ZNF514: variants seen among roughly 807,000 people sequenced by gnomAD.
ZNF514 encodes zinc finger protein 514.
Under a neutral mutation model 9.7 loss-of-function variants are expected in ZNF514, and 12 were observed. The observed-to-expected ratio is 1.24, with a 90% CI of 0.79 to 2.01. The LOEUF (loss-of-function observed/expected upper bound fraction) is 2.01, where lower values mean the gene tolerates loss of function less well. Among genes scored for constraint, ZNF514 ranks in the 30% most tolerant of loss-of-function variants. The pLI is 0.00. For missense variants in ZNF514, 467 were observed against 465.5 expected, an observed-to-expected ratio of 1.00 and a Z score of -0.03; for synonymous variants, 158 against 163.7, an observed-to-expected ratio of 0.97 and a Z score of 0.27.
intron 3 of ZNF514, 96 bp downstream of exon 3, chr2:95,153,037 G>T: frequency 6.7e-7 from 1 of 1,499,008 alleles, no homozygotes; most frequent in Non-Finnish European, 9.0e-7. Context: ...GAAACCCAGG[G>T]CCAAACTTAG....
rs182199866 is a variant in ZNF514, at chr2:95,146,680, A to C, written c.*2602T>G. On this transcript the variant is annotated 3_prime_UTR_variant, in exon 5 of 5. Transcript: ENST00000295208. ...TTTTGGAGGGCAGGACACTGGGTTC[A>C]AACTGGTAAGTATGGTTAATATGGC... Among the ~76,000 whole-genome samples the C allele has an allele frequency of 5.5e-3, 824 of 151,120 alleles. 4 individuals carry two copies. Among genetic ancestry groups the C allele is most frequent in the Non-Finnish European group, 9.5e-3 (643 of 67,822 alleles).
chr2:95,157,499 A>C lies in ZNF514; in HGVS notation c.-95-60T>G, dbSNP rs1488421215. The C allele has an allele frequency of 2.9e-6, 3 of 1,017,638 alleles. No homozygotes were observed. The African/African-American group carries it at 5.0e-5, about 17-fold the overall frequency. The allele number at this position is 1,017,638 out of a possible 1,614,324, so 63.0% of individuals were successfully genotyped here. ...CCCAGCCAGCACACACAGCTCTCAG[A>C]CTTCCCAAGCCTGAGACCCAGAACA... On this transcript the variant is annotated intron_variant, in intron 1 of 4. Coordinates refer to ENST00000295208, the MANE Select transcript of ZNF514 (RefSeq NM_032788.3).
At chr2:95,141,470 A>G (rs1673221019), downstream of ZNF514, among the ~76,000 whole-genome samples, 1 of 152,114 alleles carries the variant, frequency 6.6e-6, no homozygotes. Flanking sequence ...TGGAAGGCCC[A>G]CTTATTTAGG....
chr2:95,147,708 G>T lies in ZNF514; in HGVS notation c.*1574C>A, dbSNP rs1429808622. On this transcript the variant is annotated 3_prime_UTR_variant, in exon 5 of 5. Transcript: ENST00000295208. ...GGCTGGAGTGCAGTGGCGTGATCTC[G>T]GCTGACTGCAAGCTCTGCCTCCCCG... 1 of 149,870 alleles carries T rather than the reference G, an allele frequency of 6.7e-6. No homozygotes were observed. Among genetic ancestry groups the T allele is most frequent in the African/African-American group, 2.5e-5 (1 of 40,586 alleles). 9.3% of individuals were successfully genotyped at this position (149,870 alleles called of 1,614,324 possible). A position where few individuals can be genotyped will look rare whatever the true frequency, so the allele number is the denominator to read the frequency against.
At chr2:95,140,899 C>G (rs529082469), downstream of ZNF514, among the ~76,000 whole-genome samples, 1 of 151,338 alleles carries the variant, frequency 6.6e-6, no homozygotes, top group Admixed American at 6.6e-5. Context: ...TGCTTGAACC[C>G]GGGAGGTGGC....
the ZNF514 span, among the ~76,000 whole-genome samples, chr2:95,132,285 A>C: frequency 6.6e-6 from 1 of 152,180 alleles, no homozygotes; most frequent in South Asian, 2.1e-4. Flanking sequence ...ACTCAACAGT[A>C]AAATAACAAG....
chr2:95,151,895 A>G (rs1465865001), intron 4 of ZNF514, among the ~76,000 whole-genome samples: 1 of 152,228 alleles, frequency 6.6e-6, no homozygotes, highest in African/African-American at 2.4e-5. Flanking sequence ...AGAGGATATC[A>G]GCATCTTCCC....
chr2:95,135,121 T>C, the ZNF514 span, among the ~76,000 whole-genome samples: 7 of 152,224 alleles, frequency 4.6e-5, no homozygotes. Flanking sequence ...TTTCAATTTC[T>C]ACAAATAATA....
chr2:95,141,713 T>A (rs1471094532), downstream of ZNF514, among the ~76,000 whole-genome samples: 1 of 152,140 alleles, frequency 6.6e-6, no homozygotes, highest in Non-Finnish European at 1.5e-5. Flanking sequence ...TCAGGTACCA[T>A]TAGCAAAAAA....
intron 2 of ZNF514, 115 bp from the exon 3 acceptor site, chr2:95,153,374 G>A: frequency 1.9e-6 from 2 of 1,031,218 alleles, no homozygotes; most frequent in Non-Finnish European, 1.3e-6. Flanking sequence ...CTTCTCAGGT[G>A]GAGGTAAATG....
the ZNF514 span, among the ~76,000 whole-genome samples, chr2:95,136,078 AAATT>A: frequency 2.6e-5 from 4 of 152,134 alleles, no homozygotes; most frequent in African/African-American, 4.8e-5. Flanking sequence ...AATAAAAATT[AAATT>A]AATTAAGTAA....
chr2:95,159,284 C>A lies in ZNF514; in HGVS notation c.-140G>T. 6.1e-6 allele frequency: 1 copy of A among 162,668 alleles called. No individual in the cohort carries two copies. 10.1% of individuals were successfully genotyped at this position (162,668 alleles called of 1,614,324 possible). A position where few individuals can be genotyped will look rare whatever the true frequency, so the allele number is the denominator to read the frequency against. ...CAGGACCAGGCTCTGGAACCCAGCTCCCACGTGGATCCACACGCACAGTGG... is the reference window on the plus strand; with the variant it reads ...CAGGACCAGGCTCTGGAACCCAGCTACCACGTGGATCCACACGCACAGTGG... On this transcript the variant is annotated 5_prime_UTR_variant, in exon 1 of 5. Coordinates refer to ENST00000295208, the MANE Select transcript of ZNF514 (RefSeq NM_032788.3).
chr2:95,124,113 C>A, the ZNF514 span, among the ~76,000 whole-genome samples: 2 of 152,158 alleles, frequency 1.3e-5, no homozygotes, highest in African/African-American at 4.8e-5. Flanking sequence ...ATGTAGATTT[C>A]TGTATCCAGC....
rs757803438 is a variant in ZNF514, at chr2:95,149,410, G to A, written c.1075C>T (p.Leu359Phe). 8 of 1,614,160 alleles carry A rather than the reference G, an allele frequency of 5.0e-6. No individual in the cohort carries two copies. The highest frequency in any genetic ancestry group is 2.2e-5 in the South Asian group (2 of 91,076). The stretch of plus-strand genomic sequence containing the variant: ...GTGTGAAATCTGTAATGTTGAGTGA[G>A]AGATGAACTCTGGCTGAAGGCTCTC... ...CGRAFSQSSS[L>F]TQHYRFHTGE... Residue 359 changes from leucine (L) to phenylalanine (F), a missense_variant, in exon 5 of 5, where the codon CTC (leucine) becomes TTC (phenylalanine). Coordinates refer to ENST00000295208, the MANE Select transcript of ZNF514 (RefSeq NM_032788.3).
At chr2:95,152,449 G>A (rs1280362838) in intron 4 of ZNF514, among the ~76,000 whole-genome samples, 1 of 152,128 alleles carries the variant, frequency 6.6e-6, no homozygotes, top group Non-Finnish European at 1.5e-5. Context: ...AACCCAGAAG[G>A]CATGGGCAGA....
At chr2:95,158,729 A>C in intron 1 of ZNF514, 1 of 1,014,034 alleles carries the variant, frequency 9.9e-7, no homozygotes, top group Admixed American at 3.7e-5. Context: ...ACAATTTTCC[A>C]TGGCCATCCC....
the ZNF514 span, among the ~76,000 whole-genome samples, chr2:95,138,739 G>C: frequency 2.2e-4 from 33 of 152,344 alleles, 2 homozygotes; most frequent in East Asian, 6.4e-3. Flanking sequence ...TACTGGGAGA[G>C]GAATTCAAGC....
At chr2:95,127,132 A>G in the ZNF514 span, among the ~76,000 whole-genome samples, 2 of 152,196 alleles carry the variant, frequency 1.3e-5, no homozygotes, top group Non-Finnish European at 2.9e-5. Context: ...AAATGGCTAC[A>G]AGTACCTTTG....
the ZNF514 span, among the ~76,000 whole-genome samples, chr2:95,138,348 A>G: frequency 6.6e-6 from 1 of 152,166 alleles, no homozygotes; most frequent in African/African-American, 2.4e-5. Flanking sequence ...AAGACTAGTT[A>G]AGTACTTGTG....
Sources: allele counts gnomAD v4.1 joint callset (sites outside exome capture counted in the v4.1 genomes callset), GRCh38; gene constraint gnomAD v4.1.1; transcripts MANE v1.5; gene names NCBI Gene and HGNC (gene_info 2026-07-23, HGNC 2026-07-21).